Variants in UBR3 observed in about 807,000 individuals in gnomAD.
The protein encoded by UBR3 is ubiquitin protein ligase E3 component n-recognin 3.
A neutral mutation model predicts 243.2 loss-of-function variants in UBR3; 85 were observed. The observed-to-expected ratio is 0.35, with a 90% CI of 0.29 to 0.42. UBR3 has a LOEUF of 0.42. Among genes scored for constraint, UBR3 ranks in the 10% least tolerant of loss-of-function variants. UBR3 has a pLI of 1.00. For synonymous variants in UBR3, 748 were observed against 799.8 expected (o/e 0.94, Z 1.09); for missense variants, 1,686 against 2,300.8 (o/e 0.73, Z 5.47).
intron 8 of UBR3, among the ~76,000 whole-genome samples, chr2:169,900,072 A>C (rs1367224272): frequency 6.6e-6 from 1 of 152,202 alleles, no homozygotes; most frequent in African/African-American, 2.4e-5. Context: ...GAATCGCCAC[A>C]CTGTCTTCCA....
At chr2:170,047,792 G>A (rs558215362) in intron 32 of UBR3, among the ~76,000 whole-genome samples, 1 of 152,280 alleles carries the variant, frequency 6.6e-6, no homozygotes, top group South Asian at 2.1e-4. Context: ...GAAATCTCAT[G>A]CTGTCTTGTC....
At chr2:169,940,769 C>G (rs1478501190) in intron 19 of UBR3, among the ~76,000 whole-genome samples, 2 of 152,110 alleles carry the variant, frequency 1.3e-5, no homozygotes, top group African/African-American at 4.8e-5. Context: ...TACAGTTGTC[C>G]CCTCTTATCT....
chr2:169,893,332 A>G (rs1401046658), intron 6 of UBR3, among the ~76,000 whole-genome samples: 2 of 152,208 alleles, frequency 1.3e-5, no homozygotes, highest in Non-Finnish European at 2.9e-5. Context: ...TTGACAATTA[A>G]TAATAATTAT....
chr2:169,993,181 C>G (rs1054450396), intron 25 of UBR3, among the ~76,000 whole-genome samples: 2 of 152,006 alleles, frequency 1.3e-5, no homozygotes, highest in African/African-American at 4.8e-5. Context: ...TTTTTTGTTT[C>G]TTATTTACTT....
At chr2:169,946,767 C>T (rs2086804784) in intron 21 of UBR3, among the ~76,000 whole-genome samples, 3 of 151,914 alleles carry the variant, frequency 2.0e-5, no homozygotes, top group Admixed American at 2.0e-4. Flanking sequence ...TACCAGTAAT[C>T]AATAAATAAC....
At chr2:169,999,563 A>C (rs1431540732) in intron 26 of UBR3, among the ~76,000 whole-genome samples, 1 of 152,204 alleles carries the variant, frequency 6.6e-6, no homozygotes, top group Non-Finnish European at 1.5e-5. Flanking sequence ...TGGCTCTCAA[A>C]TCTTTCATCA....
In UBR3 at chr2:169,836,065, A is replaced by ATT. The variant is rs1558999105; in HGVS notation, c.545+8014_545+8015insTT. ...TCTCTATATATATATATATATATAT[A>ATT]TATTTTTTTTTTTTTTTTTTTTTTT... is the stretch of plus-strand genomic sequence containing the variant. On this transcript the variant is annotated intron_variant, in intron 1 of 38. Coordinates refer to ENST00000272793, the MANE Select transcript of UBR3 (RefSeq NM_172070.4). Among the ~76,000 whole-genome samples, 221 of 27,934 alleles carry ATT rather than the reference A, an allele frequency of 7.9e-3. 47 individuals are homozygous for ATT. The highest frequency in any genetic ancestry group is 0.017 in the East Asian group (10 of 582). 18.3% of individuals were successfully genotyped at this position (27,934 alleles called of 152,430 possible). A position where few individuals can be genotyped will look rare whatever the true frequency, so the allele number is the denominator to read the frequency against.
intron 24 of UBR3, among the ~76,000 whole-genome samples, chr2:169,960,171 G>A (rs1456815916): frequency 1.4e-5 from 2 of 143,052 alleles, no homozygotes; most frequent in East Asian, 2.1e-4. Flanking sequence ...AGAATTGCTT[G>A]AACCAGGAGA....
At chr2:169,889,180 C>A (rs908869326) in intron 5 of UBR3, among the ~76,000 whole-genome samples, 8 of 152,158 alleles carry the variant, frequency 5.3e-5, no homozygotes, top group African/African-American at 1.7e-4. Context: ...AAGGCCAACT[C>A]AGTGGTCTGT....
At chr2:170,000,888 G>A (rs990692113) in intron 26 of UBR3, among the ~76,000 whole-genome samples, 2 of 152,180 alleles carry the variant, frequency 1.3e-5, no homozygotes, top group South Asian at 2.1e-4. Flanking sequence ...GAACGAAACC[G>A]AGAGAGTAGC....
At position 170,083,220 on chromosome 2, in the gene UBR3, A is replaced by G. The variant is rs966718946; in HGVS notation, c.*1377A>G. 2 of 152,508 alleles carry G rather than the reference A, an allele frequency of 1.3e-5. No homozygotes were observed. The highest frequency in any genetic ancestry group is 1.9e-4 in the East Asian group (1 of 5,204). The allele number at this position is 152,508 out of a possible 1,614,324, so 9.4% of individuals were successfully genotyped here. On this transcript the variant is annotated 3_prime_UTR_variant, in exon 39 of 39. Coordinates refer to ENST00000272793, the MANE Select transcript of UBR3 (RefSeq NM_172070.4). The stretch of plus-strand genomic sequence containing the variant: ...TGTTCTAAAAAATTTTTGTAATGAC[A>G]TGACATTACAAGAGTATAAAAATGG...
intron 18 of UBR3, among the ~76,000 whole-genome samples, chr2:169,931,953 T>C (rs1024233805): frequency 6.6e-6 from 1 of 152,188 alleles, no homozygotes; most frequent in Non-Finnish European, 1.5e-5. Context: ...ACACACAAGA[T>C]AGTGGTTCCT....
chr2:169,972,017 A>C (rs1226538005), intron 24 of UBR3, among the ~76,000 whole-genome samples: 1 of 152,214 alleles, frequency 6.6e-6, no homozygotes, highest in Admixed American at 6.5e-5. Flanking sequence ...ATAGACCACT[A>C]GCAAGACTAA....
At chr2:169,840,469 GT>G (rs1456333478) in intron 1 of UBR3, among the ~76,000 whole-genome samples, 4 of 152,298 alleles carry the variant, frequency 2.6e-5, no homozygotes, top group South Asian at 4.1e-4. Flanking sequence ...AGTCCACACT[GT>G]ACCTCTCACC....
In UBR3 at chr2:170,082,478, T is replaced by C. The variant is rs1409748345; in HGVS notation, c.*635T>C. 1 of 150,308 alleles carries C rather than the reference T, an allele frequency of 6.7e-6. No homozygotes were observed. The highest frequency in any genetic ancestry group is 1.5e-5 in the Non-Finnish European group (1 of 67,638). 9.3% of individuals were successfully genotyped at this position (150,308 alleles called of 1,614,324 possible). A position where few individuals can be genotyped will look rare whatever the true frequency, so the allele number is the denominator to read the frequency against. ...TAAATCTTCTCCCCAGGTAAATAAT[T>C]GAAATAGCTGTAAAATAAGTAGATA... On this transcript the variant is annotated 3_prime_UTR_variant, in exon 39 of 39. Transcript: ENST00000272793.
rs375521370 is a variant in UBR3 at position 170,007,016 on chromosome 2, G to A, written c.4056G>A (p.Ser1352=). 7 of 1,613,076 alleles carry A rather than the reference G, an allele frequency of 4.3e-6. No individual in the cohort carries two copies. In the Admixed American group the frequency reaches 6.7e-5, roughly 15 times the overall value. The change falls in exon 28 of 39, where the codon TCG becomes TCA. Residue 1352 remains serine (S), a synonymous_variant. Coordinates refer to ENST00000272793, the MANE Select transcript of UBR3 (RefSeq NM_172070.4). Reference sequence around the variant, plus strand: ...ATGACCAGGTTCTTCAGGGCTTCTCGGTGGACAAAGGAGAATTCACGTGTC... The same window carrying A: ...ATGACCAGGTTCTTCAGGGCTTCTCAGTGGACAAAGGAGAATTCACGTGTC... The part of the protein sequence containing the change: ...LRNDQVLQGF[S]VDKGEFTCPL...
intron 24 of UBR3, among the ~76,000 whole-genome samples, chr2:169,970,374 C>G (rs1158117929): frequency 2.4e-5 from 2 of 83,034 alleles, no homozygotes; most frequent in Admixed American, 3.0e-4. Context: ...GCACATTGTG[C>G]AGGTTAGTTA....
At chr2:169,925,836 C>T in intron 14 of UBR3, 89 bp downstream of exon 14, 1 of 1,209,772 alleles carries the variant, frequency 8.3e-7, no homozygotes, top group Non-Finnish European at 1.1e-6. Context: ...TGCGTGATGA[C>T]ATGGAGAGGC....
chr2:169,827,749 G>T lies in UBR3; in HGVS notation c.242G>T (p.Gly81Val). The T allele has an allele frequency of 8.0e-7, 1 of 1,247,318 alleles. No individual in the cohort carries two copies. The highest frequency in any genetic ancestry group is 3.7e-5 in the South Asian group (1 of 26,716). The allele number at this position is 1,247,318 out of a possible 1,614,324, so 77.3% of individuals were successfully genotyped here. A position where few individuals can be genotyped will look rare whatever the true frequency, so the allele number is the denominator to read the frequency against. The change falls in exon 1 of 39, where the codon GGC becomes GTC. Residue 81 changes from glycine (G) to valine (V), a missense_variant. Physicochemically the swap from Gly to Val is moderately radical, Grantham distance 109. Coordinates refer to ENST00000272793, the MANE Select transcript of UBR3 (RefSeq NM_172070.4). Reference sequence around the variant, plus strand: ...GACGCGGCGGCGGCCGGAGGCGGGGGCGGTCCGGGGGCGGCCGAGGAGGAG... The same window carrying T: ...GACGCGGCGGCGGCCGGAGGCGGGGTCGGTCCGGGGGCGGCCGAGGAGGAG... Reference protein sequence around the residue: ...GEDAAAAGGGGGPGAAEEEAL... With the variant: ...GEDAAAAGGGVGPGAAEEEAL...
Sources: gnomAD v4.1 joint callset for allele counts (sites outside exome capture counted in the v4.1 genomes callset) on GRCh38, gnomAD v4.1.1 for gene constraint, MANE v1.5 for transcripts, NCBI Gene and HGNC (gene_info 2026-07-23, HGNC 2026-07-21) for gene names.